ARFGAP1: variants seen among roughly 807,000 people sequenced by gnomAD.
ARFGAP1 encodes ADP-ribosylation factor GTPase-activating protein 1.
A neutral mutation model predicts 54.0 loss-of-function variants in ARFGAP1; 26 were observed. The ratio of observed to expected loss-of-function variants is 0.48; its 90% CI spans 0.35 to 0.67. The LOEUF (loss-of-function observed/expected upper bound fraction) is 0.67. Among genes scored for constraint, ARFGAP1 ranks in the 30% least tolerant of loss-of-function variants. The probability of loss-of-function intolerance (pLI) is 0.00; values close to 1 mark genes in which losing one functional copy is unlikely to be tolerated. For synonymous variants in ARFGAP1, 248 were observed against 211.9 expected, an observed-to-expected ratio of 1.17 and a Z score of -1.48; for missense variants, 525 against 535.8, an observed-to-expected ratio of 0.98 and a Z score of 0.20.
At chr20:63,279,897 G>A (rs2067333412) in intron 7 of ARFGAP1, among the ~76,000 whole-genome samples, 3 of 152,232 alleles carry the variant, frequency 2.0e-5, no homozygotes, top group Admixed American at 2.0e-4. Flanking sequence ...CCAGCACTTT[G>A]GGAGGCCAAG....
At position 63,277,198 on chromosome 20, in the gene ARFGAP1, T is replaced by C; in HGVS notation, c.343-7T>C. 5 of 1,611,022 alleles carry C rather than the reference T, an allele frequency of 3.1e-6. No individual in the cohort carries two copies. The highest frequency in any genetic ancestry group is 4.2e-6 in the Non-Finnish European group (5 of 1,179,402). ...ATGCTCTCGAATGCCCTGTGTCTCC[T>C]TGTCAGGTGGTCGCTCTGGCCGAAG... On this transcript the variant is annotated splice_polypyrimidine_tract_variant and splice_region_variant and intron_variant, in intron 4 of 12. Coordinates refer to ENST00000370283, the MANE Select transcript of ARFGAP1 (RefSeq NM_018209.4).
chr20:63,284,022 C>G, intron 9 of ARFGAP1: 1 of 1,482,702 alleles, frequency 6.7e-7, no homozygotes. Context: ...GGCCTCGGTC[C>G]GTGGCTCTCC....
Position 63,277,094 on chromosome 20 carries a change from G to A in ARFGAP1, c.343-111G>A. ...CCGTCGAGGGGGCCGGGAGGAGGCT[G>A]CGGGTGGTGGGTGCTCCAGGCGGGC... On this transcript the variant is annotated intron_variant, in intron 4 of 12. Coordinates refer to ENST00000370283, the MANE Select transcript of ARFGAP1 (RefSeq NM_018209.4). 4.7e-6 allele frequency: 4 copies of A among 852,434 alleles called. No homozygotes were observed. In the South Asian group the frequency reaches 6.3e-5, roughly 13 times the overall value. The allele number at this position is 852,434 out of a possible 1,614,324, so 52.8% of individuals were successfully genotyped here.
chr20:63,279,495 C>T (rs1253752653), intron 7 of ARFGAP1, among the ~76,000 whole-genome samples: 4 of 152,160 alleles, frequency 2.6e-5, no homozygotes, highest in African/African-American at 7.2e-5. Flanking sequence ...AGTGAGCCAC[C>T]GTGCCCGGCC....
chr20:63,283,967 T>C (rs2067455266), intron 9 of ARFGAP1: 2 of 1,581,832 alleles, frequency 1.3e-6, no homozygotes, highest in Non-Finnish European at 8.6e-7. Flanking sequence ...GTGCTGCCAC[T>C]GTCTTGTGTC....
At chr20:63,280,395 C>T (rs1488519447) in intron 7 of ARFGAP1, among the ~76,000 whole-genome samples, 1 of 152,228 alleles carries the variant, frequency 6.6e-6, no homozygotes, top group Non-Finnish European at 1.5e-5. Context: ...CCCACCTGGG[C>T]CTCTCAAGTT....
At chr20:63,278,447 A>AC (rs1219701810) in intron 6 of ARFGAP1, 4 of 495,490 alleles carry the variant, frequency 8.1e-6, no homozygotes, top group Non-Finnish European at 1.5e-5. Flanking sequence ...TATTGCAGTG[A>AC]CCCCCAGCTG....
intron 12 of ARFGAP1, chr20:63,286,669 G>A: frequency 1.8e-6 from 1 of 565,248 alleles, no homozygotes; most frequent in South Asian, 2.0e-5. Context: ...GGCTTTCCGA[G>A]TGCTCTGCAG....
In ARFGAP1 at chr20:63,286,366, G is replaced by C; in HGVS notation, c.835G>C (p.Val279Leu). ...SSGVSQLASK[V>L]QGVGSKGWRD... is the part of the protein sequence containing the mutation. Reference sequence around the variant, plus strand: ...AACCTCTCTTCCCGTCTCCTTCCAGGTCCAGGGAGTCGGTAGTAAGGGATG... The same window carrying C: ...AACCTCTCTTCCCGTCTCCTTCCAGCTCCAGGGAGTCGGTAGTAAGGGATG... The change falls in exon 12 of 13, where the codon GTC (valine) becomes CTC (leucine). Residue 279 changes from valine (V) to leucine (L), a missense_variant and splice_region_variant. By Grantham distance (32) the Val-to-Leu change is conservative. Around this residue, in one of 3 missense-constraint regions of ARFGAP1, gnomAD observed 466 missense variants for 453.6 expected, o/e 1.03. Transcript: ENST00000370283. 1 of 1,613,356 alleles carries C rather than the reference G, an allele frequency of 6.2e-7. No homozygotes were observed. Among genetic ancestry groups the C allele is most frequent in the Non-Finnish European group, 8.5e-7 (1 of 1,179,984 alleles).
chr20:63,277,245 C>T lies in ARFGAP1; in HGVS notation c.383C>T (p.Ser128Leu), dbSNP rs112090089. 3.8e-3 allele frequency: 6,116 copies of T among 1,613,064 alleles called. 24 individuals are homozygous for T. The highest frequency in any genetic ancestry group is 0.01 in the Admixed American group (616 of 60,010). ...LAEGREWSLE[S>L]SPAQNWTPPQ... is the part of the protein sequence containing the mutation. ...GAAGGCAGAGAGTGGTCTCTGGAGT[C>T]ATCACCTGCCCAGAACTGGACCCCA... is the stretch of plus-strand genomic sequence containing the variant. The change falls in exon 5 of 13, where the codon TCA becomes TTA. Residue 128 changes from serine (S) to leucine (L), a missense_variant. By Grantham distance (145) the Ser-to-Leu change is moderately radical. Transcript: ENST00000370283.
intron 12 of ARFGAP1, chr20:63,286,735 C>A: frequency 3.6e-6 from 1 of 279,986 alleles, no homozygotes. Context: ...TGGAACCCTG[C>A]AGGAGCTGGG....
chr20:63,289,751 G>C lies in ARFGAP1; in HGVS notation c.*1878G>C, dbSNP rs569097064. The C allele has an allele frequency of 6.6e-6, 1 of 152,450 alleles. No individual in the cohort carries two copies. Among genetic ancestry groups the C allele is most frequent in the East Asian group, 1.9e-4 (1 of 5,184 alleles). The allele number at this position is 152,450 out of a possible 1,614,324, so 9.4% of individuals were successfully genotyped here. ...GTGTGAGGGCCCAGGTGGAAGGCGC[G>C]GACCTGACAGCATTCCAATAAAGCA... On this transcript the variant is annotated 3_prime_UTR_variant, in exon 13 of 13. Transcript: ENST00000370283.
chr20:63,281,183 G>T (rs2123263464), intron 7 of ARFGAP1, 108 bp from the exon 8 acceptor site: 11 of 1,221,956 alleles, frequency 9.0e-6, no homozygotes, highest in African/African-American at 1.5e-5. Context: ...TGGGACGGGG[G>T]CCTGGGGCAG....
At chr20:63,283,411 A>G (rs2067438085) in intron 9 of ARFGAP1, 1 of 202,168 alleles carries the variant, frequency 4.9e-6, no homozygotes, top group African/African-American at 2.3e-5. Flanking sequence ...AATCACACCC[A>G]GGAGGCAGTA....
intron 9 of ARFGAP1, chr20:63,284,484 T>C: frequency 8.9e-7 from 1 of 1,118,088 alleles, no homozygotes; most frequent in Middle Eastern, 2.5e-4. Context: ...ACTCGGTGCC[T>C]GCCTGGGGAG....
chr20:63,286,115 A>G (rs768652406), intron 11 of ARFGAP1: 8 of 1,550,076 alleles, frequency 5.2e-6, no homozygotes, highest in Non-Finnish European at 7.0e-6. Context: ...CCTCCCCCCC[A>G]AGCATGTGGT....
In ARFGAP1 at chr20:63,286,422, A is replaced by G. The variant is rs1167307257; in HGVS notation, c.891A>G (p.Lys297=). ...ACGTCACCACCTTTTTTTCGGGGAA[A>G]GCAGAGGGCCCCTTGGACAGGTATG... ...WRDVTTFFSG[K]AEGPLDSPSE... is the part of the protein sequence containing the mutation. The change falls in exon 12 of 13, where the codon AAA becomes AAG. Residue 297 remains lysine, a synonymous_variant. Coordinates refer to ENST00000370283, the MANE Select transcript of ARFGAP1 (RefSeq NM_018209.4). 1.2e-6 allele frequency: 2 copies of G among 1,613,456 alleles called. No individual in the cohort carries two copies. The highest frequency in any genetic ancestry group is 1.7e-5 in the Admixed American group (1 of 60,020).
rs377405400 is a variant in ARFGAP1, at chr20:63,277,284, C to G, written c.422C>G (p.Thr141Arg). Reference protein sequence around the residue: ...AQNWTPPQPRTLPSMVHRVSG... With the variant: ...AQNWTPPQPRRLPSMVHRVSG... ...AACTGGACCCCACCTCAGCCCAGGA[C>G]GCTGCCGTCCATGGTGCACCGGTAG... The change falls in exon 5 of 13, where the codon ACG (threonine) becomes AGG (arginine). Residue 141 changes from threonine (T) to arginine (R), a missense_variant. This residue lies in a region of ARFGAP1 where 466 missense variants were observed against 453.6 expected (regional missense o/e 1.03). Coordinates refer to ENST00000370283, the MANE Select transcript of ARFGAP1 (RefSeq NM_018209.4). 2.5e-6 allele frequency: 4 copies of G among 1,612,880 alleles called. No individual in the cohort carries two copies. The highest frequency in any genetic ancestry group is 3.4e-6 in the Non-Finnish European group (4 of 1,179,906).
chr20:63,286,181 C>G, intron 11 of ARFGAP1, 185 bp from the exon 12 acceptor site: 1 of 1,549,824 alleles, frequency 6.5e-7, no homozygotes, highest in Non-Finnish European at 8.7e-7. Flanking sequence ...CCCGCACACA[C>G]CTGGCACCGC....
Sources: allele counts gnomAD v4.1 joint callset (sites outside exome capture counted in the v4.1 genomes callset), GRCh38; gene constraint gnomAD v4.1.1; regional missense constraint gnomAD v4.1.1; transcripts MANE v1.5; gene names NCBI Gene and HGNC (gene_info 2026-07-23, HGNC 2026-07-21).